MYO18B: variants seen among roughly 807,000 people sequenced by gnomAD.
MYO18B encodes unconventional myosin-XVIIIb.
Under a neutral mutation model 273.0 loss-of-function variants are expected in MYO18B, and 204 were observed. That is an observed-to-expected ratio of 0.75 (90% CI 0.67 to 0.84). MYO18B has a LOEUF of 0.84. Among genes scored for constraint, MYO18B ranks in the 40% least tolerant of loss-of-function variants. MYO18B has a pLI of 0.00. For missense variants in MYO18B, 3,212 were observed against 3,287.6 expected, an observed-to-expected ratio of 0.98 and a Z score of 0.56; for synonymous variants, 1,330 against 1,305.7, an observed-to-expected ratio of 1.02 and a Z score of -0.40.
chr22:25,984,178 C>T (rs1296548659), intron 39 of MYO18B, among the ~76,000 whole-genome samples: 1 of 152,182 alleles, frequency 6.6e-6, no homozygotes, highest in East Asian at 1.9e-4. Flanking sequence ...AGGAATAATA[C>T]AGTACTGTCA....
chr22:25,844,720 A>G (rs1225836293), intron 18 of MYO18B, among the ~76,000 whole-genome samples: 2 of 152,326 alleles, frequency 1.3e-5, no homozygotes, highest in Admixed American at 6.5e-5. Flanking sequence ...TTCCCAGAAC[A>G]TTATGTCAGA....
intron 30 of MYO18B, chr22:25,903,379 G>A (rs9306417): frequency 1.3e-5 from 6 of 469,864 alleles, no homozygotes; most frequent in Non-Finnish European, 2.3e-5. Context: ...CTCTGAGATC[G>A]AACTCTAGGG....
intron 39 of MYO18B, among the ~76,000 whole-genome samples, chr22:25,990,759 G>T (rs1198780063): frequency 6.9e-6 from 1 of 144,458 alleles, no homozygotes; most frequent in East Asian, 2.0e-4. Context: ...TAAGAGAGGG[G>T]CTGTGAGCCA....
intron 22 of MYO18B, among the ~76,000 whole-genome samples, chr22:25,873,436 G>A (rs900082096): frequency 8.5e-5 from 13 of 152,086 alleles, no homozygotes; most frequent in Non-Finnish European, 2.9e-5. Context: ...CTGGACTGAG[G>A]TGTTTCTTTT....
rs572639261 is a variant in MYO18B at position 25,902,691 on chromosome 22, C to T, written c.4902C>T (p.Asn1634=). ...KGLREKVTQE[N]TSVRWELGQL... ...TCCGTGAGAAAGTGACCCAGGAGAA[C>T]ACCAGTGTCCGGTGGGAGCTAGGCC... The change falls in exon 30 of 44, where the codon AAC becomes AAT. Residue 1634 remains asparagine (N), a synonymous_variant. Coordinates refer to ENST00000335473, the MANE Select transcript of MYO18B (RefSeq NM_032608.7). 19 of 1,594,762 alleles carry T rather than the reference C, an allele frequency of 1.2e-5. No individual in the cohort carries two copies. The highest frequency in any genetic ancestry group is 2.7e-5 in the African/African-American group (2 of 74,590).
intron 38 of MYO18B, 36 bp from the exon 39 acceptor site, chr22:25,955,143 A>C (rs756235785): frequency 1.3e-6 from 2 of 1,535,648 alleles, no homozygotes; most frequent in East Asian, 4.7e-5. Flanking sequence ...CCTGGCCTCC[A>C]ACTCCAAGGT....
At chr22:25,876,355 G>A (rs1453505335) in intron 24 of MYO18B, 23 bp downstream of exon 24, 2 of 1,588,846 alleles carry the variant, frequency 1.3e-6, no homozygotes, top group East Asian at 2.3e-5. Flanking sequence ...GGCAGGCAGG[G>A]TGCTGGGTGG....
At chr22:26,057,760 A>T in the MYO18B span, among the ~76,000 whole-genome samples, 1 of 152,174 alleles carries the variant, frequency 6.6e-6, no homozygotes, top group Non-Finnish European at 1.5e-5. Context: ...GAGGGCTAGA[A>T]ACTTGCTCAG....
the MYO18B span, among the ~76,000 whole-genome samples, chr22:26,048,622 C>G: frequency 6.6e-6 from 1 of 152,092 alleles, no homozygotes; most frequent in African/African-American, 2.4e-5. Flanking sequence ...CCTCTCAACT[C>G]TTTATGCTGA....
At chr22:25,805,088 G>A (rs745945844) in intron 12 of MYO18B, among the ~76,000 whole-genome samples, 21 of 152,086 alleles carry the variant, frequency 1.4e-4, no homozygotes, top group Non-Finnish European at 2.4e-4. Flanking sequence ...GGTTCTGAGC[G>A]TGCCCTCCCT....
Position 26,026,812 on chromosome 22 carries a change from A to G in MYO18B, c.6838A>G (p.Ile2280Val), listed in dbSNP as rs369492493. 4 of 1,595,360 alleles carry G rather than the reference A, an allele frequency of 2.5e-6. No homozygotes were observed. The highest frequency in any genetic ancestry group is 1.1e-5 in the South Asian group (1 of 88,720). ...CCTAGAGGACTGGCCCACTCTCCCC[A>G]TTTACCAGACGACTGGGGCCTCCAC... Reference protein sequence around the residue: ...LGLEDWPTLPIYQTTGASTLR... With the variant: ...LGLEDWPTLPVYQTTGASTLR... Residue 2280 changes from isoleucine (I) to valine (V), a missense_variant, in exon 43 of 44, where the codon ATT (isoleucine) becomes GTT (valine). By Grantham distance (29) the Ile-to-Val change is conservative (BLOSUM62 3). Coordinates refer to ENST00000335473, the MANE Select transcript of MYO18B (RefSeq NM_032608.7).
At chr22:25,758,782 G>A (rs1284320567) in intron 1 of MYO18B, among the ~76,000 whole-genome samples, 2 of 151,012 alleles carry the variant, frequency 1.3e-5, no homozygotes, top group Middle Eastern at 3.4e-3. Flanking sequence ...TTTGGAGACA[G>A]AGTCTCACTC....
chr22:25,773,558 G>T (rs530603789), intron 7 of MYO18B, among the ~76,000 whole-genome samples: 1 of 152,270 alleles, frequency 6.6e-6, no homozygotes, highest in South Asian at 2.1e-4. Context: ...CCGCCTCCCG[G>T]GTTCACGCCA....
intron 34 of MYO18B, among the ~76,000 whole-genome samples, chr22:25,923,433 C>T (rs927567973): frequency 1.3e-5 from 2 of 152,216 alleles, no homozygotes; most frequent in African/African-American, 4.8e-5. Flanking sequence ...CTGCTTAATC[C>T]TCATGATACC....
At chr22:25,857,459 C>T (rs1353414125) in intron 21 of MYO18B, among the ~76,000 whole-genome samples, 2 of 146,878 alleles carry the variant, frequency 1.4e-5, no homozygotes, top group African/African-American at 2.5e-5. Flanking sequence ...GGCAGACACT[C>T]CCAGTTTCCT....
chr22:26,001,199 G>A (rs1933921156), intron 40 of MYO18B, among the ~76,000 whole-genome samples: 1 of 152,104 alleles, frequency 6.6e-6, no homozygotes, highest in East Asian at 1.9e-4. Context: ...CCTAGTAAAT[G>A]CAGATCTTCC....
chr22:25,801,664 C>T (rs1292800965), intron 12 of MYO18B, among the ~76,000 whole-genome samples: 1 of 152,178 alleles, frequency 6.6e-6, no homozygotes, highest in Non-Finnish European at 1.5e-5. Context: ...TGGTATCACA[C>T]AGCCAGTACC....
At chr22:25,999,534 T>TCCCCCTCTTCCCCCTCCC (rs1933697459) in intron 40 of MYO18B, among the ~76,000 whole-genome samples, 1 of 12,300 alleles carries the variant, frequency 8.1e-5, no homozygotes, top group Non-Finnish European at 1.7e-4. Flanking sequence ...CTCCCCCTCC[T>TCCCCCTCTTCCCCCTCCC]CCCCCTCTTC....
At chr22:25,820,597 G>T (rs2089239482) in intron 12 of MYO18B, among the ~76,000 whole-genome samples, 1 of 152,178 alleles carries the variant, frequency 6.6e-6, no homozygotes, top group Non-Finnish European at 1.5e-5. Flanking sequence ...GTACATAGTG[G>T]TGTTTCTAAA....
Sources: gnomAD v4.1 joint callset for allele counts (sites outside exome capture counted in the v4.1 genomes callset) on GRCh38, gnomAD v4.1.1 for gene constraint, MANE v1.5 for transcripts, NCBI Gene and HGNC (gene_info 2026-07-23, HGNC 2026-07-21) for gene names.